Variants in GPC6 observed in about 807,000 individuals in gnomAD.
GPC6 encodes the protein glypican-6.
Under a neutral mutation model 55.2 loss-of-function variants are expected in GPC6, and 14 were observed. The observed-to-expected ratio is 0.25, with a 90% CI of 0.17 to 0.40. GPC6 has a LOEUF of 0.40. GPC6 is among the 10% of genes least tolerant of loss of function. The probability of loss-of-function intolerance (pLI) is 1.00; values close to 1 mark genes in which losing one functional copy is unlikely to be tolerated. For synonymous variants in GPC6, 278 were observed against 259.6 expected (o/e 1.07, Z -0.68); for missense variants, 641 against 708.5 (o/e 0.90, Z 1.08).
At chr13:94,062,164 A>C (rs2138769536) in intron 4 of GPC6, among the ~76,000 whole-genome samples, 1 of 152,328 alleles carries the variant, frequency 6.6e-6, no homozygotes, top group Admixed American at 6.5e-5. Context: ...CCACTAGGAA[A>C]CTTACAGTAG....
chr13:93,761,442 C>G (rs1884951487), intron 2 of GPC6, among the ~76,000 whole-genome samples: 2 of 152,170 alleles, frequency 1.3e-5, no homozygotes, highest in African/African-American at 2.4e-5. Flanking sequence ...ACAATTAAGT[C>G]TTCTCCCTCC....
chr13:94,114,015 TAA>T lies in GPC6; in HGVS notation c.877+86140_877+86141del, dbSNP rs781286249. On this transcript the variant is annotated intron_variant, in intron 4 of 8. Transcript: ENST00000377047. Reference sequence around the variant, plus strand: ...CTGAGTGACAGAACAAGACTCTGTCTAAAAAAAAAAAAAAAAAAAAGCCCAGT... The same window carrying T: ...CTGAGTGACAGAACAAGACTCTGTCTAAAAAAAAAAAAAAAAAAGCCCAGT... Among the ~76,000 whole-genome samples, 28 of 37,420 alleles carry T rather than the reference TAA, an allele frequency of 7.5e-4. No homozygotes were observed. In the East Asian group the frequency reaches 0.011, roughly 15 times the overall value. 24.5% of individuals were successfully genotyped at this position (37,420 alleles called of 152,430 possible).
intron 2 of GPC6, among the ~76,000 whole-genome samples, chr13:93,776,382 T>TA (rs1885468442): frequency 6.6e-6 from 1 of 152,096 alleles, no homozygotes. Flanking sequence ...TGAAAGTACT[T>TA]AAATAACTTC....
At chr13:94,249,853 G>T (rs756183461) in intron 4 of GPC6, among the ~76,000 whole-genome samples, 1 of 152,152 alleles carries the variant, frequency 6.6e-6, no homozygotes, top group Non-Finnish European at 1.5e-5. Context: ...CAGATAGGAG[G>T]TAAGTTGCAA....
intron 1 of GPC6, among the ~76,000 whole-genome samples, chr13:93,446,733 C>A (rs991156421): frequency 6.6e-6 from 1 of 152,128 alleles, no homozygotes; most frequent in Admixed American, 6.5e-5. Flanking sequence ...TTGTCTCTTG[C>A]TGTTAGATTC....
In GPC6 at chr13:93,719,775, T is replaced by A. The variant is rs111777033; in HGVS notation, c.320-110379T>A. ...TACGATCCATTGATACCTAGTTTAT[T>A]GAGTGTTTTTAGCATGAAGTCCTGT... is the stretch of plus-strand genomic sequence containing the variant. On this transcript the variant is annotated intron_variant, in intron 2 of 8. Transcript: ENST00000377047. Among the ~76,000 whole-genome samples the A allele has an allele frequency of 3.2e-3, 480 of 152,210 alleles. 1 individual carries two copies. The highest frequency in any genetic ancestry group is 0.01 in the Middle Eastern group (3 of 294).
intron 4 of GPC6, among the ~76,000 whole-genome samples, chr13:94,180,740 G>A (rs984736176): frequency 6.6e-6 from 1 of 152,008 alleles, no homozygotes; most frequent in Non-Finnish European, 1.5e-5. Context: ...GCAAGTCAGA[G>A]GATTTTTTTC....
Position 93,545,353 on chromosome 13 carries a change from A to G in GPC6, c.251A>G (p.Glu84Gly). The G allele has an allele frequency of 6.2e-7, 1 of 1,613,938 alleles. No individual in the cohort carries two copies. The highest frequency in any genetic ancestry group is 8.5e-7 in the Non-Finnish European group (1 of 1,179,794). Residue 84 changes from glutamate (E) to glycine (G), a missense_variant, in exon 2 of 9, where the codon GAA becomes GGA. Coordinates refer to ENST00000377047, the MANE Select transcript of GPC6 (RefSeq NM_005708.5). ...AGCCAACAAAGCAAACTCGAATTTG[A>G]AAACCTTGTGGAAGAGACAAGCCAT... is the stretch of plus-strand genomic sequence containing the variant. ...KLSQQSKLEF[E>G]NLVEETSHFV...
At chr13:93,904,079 C>A (rs1228816191) in intron 3 of GPC6, among the ~76,000 whole-genome samples, 1 of 152,088 alleles carries the variant, frequency 6.6e-6, no homozygotes, top group Non-Finnish European at 1.5e-5. Flanking sequence ...GCCCAAACAG[C>A]TGTTACAGGA....
intron 2 of GPC6, among the ~76,000 whole-genome samples, chr13:93,797,910 T>G (rs1201282827): frequency 6.6e-6 from 1 of 152,166 alleles, no homozygotes; most frequent in Non-Finnish European, 1.5e-5. Context: ...TTTTGTTAGT[T>G]TGCACAAGAG....
At chr13:93,610,228 G>A (rs1313140011) in intron 2 of GPC6, among the ~76,000 whole-genome samples, 2 of 152,174 alleles carry the variant, frequency 1.3e-5, no homozygotes, top group Non-Finnish European at 2.9e-5. Context: ...TGGAGGGGAG[G>A]ACAGTAGTGA....
In GPC6 at chr13:93,337,760, T is replaced by C. The variant is rs186536580; in HGVS notation, c.160+110144T>C. Among the ~76,000 whole-genome samples the C allele has an allele frequency of 1.3e-3, 191 of 152,332 alleles. 1 individual carries two copies. Among genetic ancestry groups the C allele is most frequent in the African/African-American group, 4.4e-3 (183 of 41,572 alleles). Reference sequence around the variant, plus strand: ...CAGCTAACAAAGAGAACGAATTCTTTTATAAATGAAGTTTAGGATCACAGG... The same window carrying C: ...CAGCTAACAAAGAGAACGAATTCTTCTATAAATGAAGTTTAGGATCACAGG... On this transcript the variant is annotated intron_variant, in intron 1 of 8. Transcript: ENST00000377047.
At chr13:93,745,132 C>G (rs556737756) in intron 2 of GPC6, among the ~76,000 whole-genome samples, 2 of 152,032 alleles carry the variant, frequency 1.3e-5, no homozygotes, top group African/African-American at 2.4e-5. Context: ...TGGACAAACC[C>G]GATCTTAGGC....
intron 4 of GPC6, among the ~76,000 whole-genome samples, chr13:94,201,575 A>G (rs544245861): frequency 9.8e-5 from 15 of 152,308 alleles, no homozygotes; most frequent in African/African-American, 3.6e-4. Flanking sequence ...TAAAATTAAC[A>G]AATATATGTC....
chr13:93,983,352 T>C (rs1244892383), intron 3 of GPC6, among the ~76,000 whole-genome samples: 1 of 152,192 alleles, frequency 6.6e-6, no homozygotes, highest in Non-Finnish European at 1.5e-5. Flanking sequence ...TGAGGGTTGA[T>C]AACTGAGTTA....
At chr13:94,189,048 A>C (rs2138959191) in intron 4 of GPC6, among the ~76,000 whole-genome samples, 1 of 152,212 alleles carries the variant, frequency 6.6e-6, no homozygotes, top group African/African-American at 2.4e-5. Flanking sequence ...TGTGTTGCTA[A>C]GGCTTCACCT....
At chr13:93,935,136 G>T (rs904227828) in intron 3 of GPC6, among the ~76,000 whole-genome samples, 1 of 151,900 alleles carries the variant, frequency 6.6e-6, no homozygotes, top group African/African-American at 2.4e-5. Context: ...TTTAGGTTTG[G>T]GTGGTACATT....
At chr13:93,452,924 C>T (rs1878283261) in intron 1 of GPC6, among the ~76,000 whole-genome samples, 1 of 152,184 alleles carries the variant, frequency 6.6e-6, no homozygotes, top group African/African-American at 2.4e-5. Flanking sequence ...GGTTCATTTC[C>T]CCAATTCCTG....
chr13:94,322,569 A>T (rs1876884606), intron 6 of GPC6, among the ~76,000 whole-genome samples: 1 of 152,216 alleles, frequency 6.6e-6, no homozygotes. Flanking sequence ...GCCCAGTTAA[A>T]ATATCCCTTT....
Sources: gnomAD v4.1 joint callset for allele counts (sites outside exome capture counted in the v4.1 genomes callset) on GRCh38, gnomAD v4.1.1 for gene constraint, MANE v1.5 for transcripts, NCBI Gene and HGNC (gene_info 2026-07-23, HGNC 2026-07-21) for gene names.